Variants in KCNMB2 observed in about 807,000 individuals in gnomAD.
KCNMB2 encodes the protein potassium calcium-activated channel subfamily M regulatory beta subunit 2, also known as calcium-activated potassium channel subunit beta-2.
KCNMB2 carries 9 observed loss-of-function variants against 24.5 expected under a neutral mutation model. That is an observed-to-expected ratio of 0.37 (90% CI 0.22 to 0.64). The LOEUF is 0.64. KCNMB2 is among the 30% of genes least tolerant of loss of function. KCNMB2 has a pLI of 0.63. For missense variants in KCNMB2, 226 were observed against 284.3 expected (o/e 0.79, Z 1.47); for synonymous variants, 109 against 104.4 (o/e 1.04, Z -0.27).
At chr3:178,615,695 A>G (rs915136443) in intron 1 of KCNMB2, among the ~76,000 whole-genome samples, 9 of 152,184 alleles carry the variant, frequency 5.9e-5, no homozygotes, top group Non-Finnish European at 7.3e-5. Context: ...GGCCTAGGGC[A>G]GGTCCAGAAA....
intron 1 of KCNMB2, among the ~76,000 whole-genome samples, chr3:178,609,619 G>A (rs1484971662): frequency 1.3e-5 from 2 of 151,890 alleles, no homozygotes; most frequent in African/African-American, 4.8e-5. Flanking sequence ...TGAGATCTTA[G>A]ATATAAGTCT....
chr3:178,642,114 G>A (rs762941935), intron 1 of KCNMB2, among the ~76,000 whole-genome samples: 5 of 151,852 alleles, frequency 3.3e-5, no homozygotes, highest in Admixed American at 6.6e-5. Flanking sequence ...ATTTGTTTGG[G>A]GAAAAACAAT....
At chr3:178,721,412 AC>A (rs1231228499) in intron 1 of KCNMB2, among the ~76,000 whole-genome samples, 1 of 152,046 alleles carries the variant, frequency 6.6e-6, no homozygotes, top group Non-Finnish European at 1.5e-5. Context: ...ATAGTTTGTT[AC>A]TTTTTATTGC....
At chr3:178,638,725 C>T (rs771209515) in intron 1 of KCNMB2, among the ~76,000 whole-genome samples, 1 of 152,126 alleles carries the variant, frequency 6.6e-6, no homozygotes, top group Non-Finnish European at 1.5e-5. Flanking sequence ...AAAGAAATTA[C>T]ATTTTGACCA....
chr3:178,787,501 C>T (rs747993809), intron 1 of KCNMB2, among the ~76,000 whole-genome samples: 6 of 152,068 alleles, frequency 3.9e-5, no homozygotes, highest in Non-Finnish European at 8.8e-5. Context: ...GCTAATTTTA[C>T]GGAAGAAAAG....
chr3:178,741,004 A>G (rs1406427282), intron 1 of KCNMB2, among the ~76,000 whole-genome samples: 1 of 152,226 alleles, frequency 6.6e-6, no homozygotes, highest in Non-Finnish European at 1.5e-5. Context: ...AGAGGCAAGG[A>G]GAGGAGAAAC....
chr3:178,678,743 G>A lies in KCNMB2; in HGVS notation c.-67-128600G>A, dbSNP rs184770821. Among the ~76,000 whole-genome samples the A allele has an allele frequency of 1.5e-4, 23 of 152,318 alleles. No homozygotes were observed. The East Asian group carries it at 4.2e-3, about 28-fold the overall frequency. ...TGTATTCAATGGGCAAAGCATGCCA[G>A]TGAGTGGTGAAGGGGAGACCAACAT... On this transcript the variant is annotated intron_variant, in intron 1 of 4. Transcript: ENST00000452583.
chr3:178,801,056 T>C (rs1713755576), intron 1 of KCNMB2, among the ~76,000 whole-genome samples: 1 of 151,722 alleles, frequency 6.6e-6, no homozygotes, highest in South Asian at 2.1e-4. Flanking sequence ...AGGGAGAAAA[T>C]GAGAATGGTT....
chr3:178,712,759 C>T (rs1722495555), intron 1 of KCNMB2, among the ~76,000 whole-genome samples: 1 of 152,130 alleles, frequency 6.6e-6, no homozygotes, highest in African/African-American at 2.4e-5. Flanking sequence ...GAGACTTCTG[C>T]CTCAATCACA....
At chr3:178,618,856 G>A (rs543593226) in intron 1 of KCNMB2, among the ~76,000 whole-genome samples, 1 of 152,286 alleles carries the variant, frequency 6.6e-6, no homozygotes, top group East Asian at 1.9e-4. Flanking sequence ...TATGTTCTAT[G>A]TGCCAAGCCC....
intron 4 of KCNMB2, among the ~76,000 whole-genome samples, chr3:178,839,295 T>A (rs1222027705): frequency 6.6e-6 from 1 of 151,834 alleles, no homozygotes; most frequent in Non-Finnish European, 1.5e-5. Flanking sequence ...ATTAAAAATG[T>A]GTCCAACTAT....
intron 1 of KCNMB2, among the ~76,000 whole-genome samples, chr3:178,674,731 T>G (rs766835974): frequency 1.3e-5 from 2 of 152,104 alleles, no homozygotes; most frequent in Non-Finnish European, 2.9e-5. Context: ...TCTCTCATAA[T>G]AGAAGCCAAT....
chr3:178,780,165 C>T (rs904869005), intron 1 of KCNMB2, among the ~76,000 whole-genome samples: 2 of 151,640 alleles, frequency 1.3e-5, no homozygotes, highest in Non-Finnish European at 2.9e-5. Flanking sequence ...TTTCTTTGTT[C>T]CATCTTCAAG....
chr3:178,831,593 T>TTC (rs1176371103), intron 4 of KCNMB2, among the ~76,000 whole-genome samples: 1 of 152,064 alleles, frequency 6.6e-6, no homozygotes, highest in African/African-American at 2.4e-5. Flanking sequence ...TCATGTCCTT[T>TTC]GCAGCAACCA....
intron 1 of KCNMB2, among the ~76,000 whole-genome samples, chr3:178,734,169 G>C (rs1251530441): frequency 6.6e-6 from 1 of 152,142 alleles, no homozygotes; most frequent in Non-Finnish European, 1.5e-5. Flanking sequence ...CAAAATTCAT[G>C]TATGTTTCAT....
chr3:178,558,065 GA>G (rs1249569837), intron 1 of KCNMB2, among the ~76,000 whole-genome samples: 4 of 151,276 alleles, frequency 2.6e-5, no homozygotes, highest in South Asian at 4.2e-4. Context: ...TTGCAAGAGA[GA>G]AAAAAAAACT....
At chr3:178,549,409 C>T (rs938371971) in intron 1 of KCNMB2, among the ~76,000 whole-genome samples, 3 of 145,862 alleles carry the variant, frequency 2.1e-5, no homozygotes, top group African/African-American at 7.5e-5. Flanking sequence ...CTCCTGGGTT[C>T]AAGCGATTCT....
At chr3:178,679,021 A>AG (rs1186930998) in intron 1 of KCNMB2, among the ~76,000 whole-genome samples, 1 of 145,002 alleles carries the variant, frequency 6.9e-6, no homozygotes, top group African/African-American at 2.6e-5. Flanking sequence ...TTCATTTATC[A>AG]GTTTTTTTTT....
rs371434493 is a variant in KCNMB2 at position 178,811,793 on chromosome 3, A to G, written c.56+4328A>G. 3.4e-4 allele frequency among the ~76,000 whole-genome samples: 52 copies of G among 152,336 alleles called. 1 individual carries two copies. In the South Asian group the frequency reaches 0.011, roughly 31 times the overall value. On this transcript the variant is annotated intron_variant, in intron 2 of 4. Transcript: ENST00000452583. ...TTACCAAGTAATGCCATGGTTTTCC[A>G]AAGGAGCCATACATGAGATTCCCAT...
Sources: gnomAD v4.1 joint callset for allele counts (sites outside exome capture counted in the v4.1 genomes callset) on GRCh38, gnomAD v4.1.1 for gene constraint, MANE v1.5 for transcripts, NCBI Gene and HGNC (gene_info 2026-07-23, HGNC 2026-07-21) for gene names.